CCDC127: variants seen among roughly 807,000 people sequenced by gnomAD.
CCDC127 encodes coiled-coil domain containing 127.
A neutral mutation model predicts 4.1 loss-of-function variants in CCDC127; 2 were observed. The ratio of observed to expected loss-of-function variants is 0.49; its 90% CI spans 0.20 to 1.53. CCDC127 has a LOEUF of 1.53. Among genes scored for constraint, CCDC127 ranks in the 40% most tolerant of loss-of-function variants. The pLI is 0.23. For synonymous variants in CCDC127, 98 were observed against 120.4 expected, an observed-to-expected ratio of 0.81 and a Z score of 1.22; for missense variants, 271 against 322.9, an observed-to-expected ratio of 0.84 and a Z score of 1.23.
intron 2 of CCDC127, among the ~76,000 whole-genome samples, chr5:206,308 T>C (rs553195088): frequency 6.7e-6 from 1 of 148,636 alleles, no homozygotes; most frequent in Non-Finnish European, 1.5e-5. Context: ...CTTATAAAAG[T>C]TGTATTTAGC....
At position 197,405 on chromosome 5, in the gene CCDC127, T is replaced by C. The variant is rs1193289497; in HGVS notation, c.*7892A>G. On this transcript the variant is annotated 3_prime_UTR_variant, in exon 3 of 3. Transcript: ENST00000296824. ...TCTTTCTCATTCCACGAGGCCATAT[T>C]TCAGACTATCACATGGGGAGAAACC... 3 of 152,262 alleles carry C rather than the reference T, an allele frequency of 2.0e-5. No individual in the cohort carries two copies. In the East Asian group the frequency reaches 5.8e-4, roughly 29 times the overall value. 9.4% of individuals were successfully genotyped at this position (152,262 alleles called of 1,614,324 possible). A position where few individuals can be genotyped will look rare whatever the true frequency, so the allele number is the denominator to read the frequency against.
At chr5:213,183 G>A (rs1241890331) in intron 2 of CCDC127, among the ~76,000 whole-genome samples, 6 of 90,124 alleles carry the variant, frequency 6.7e-5, no homozygotes, top group Non-Finnish European at 1.0e-4. Flanking sequence ...GCTCGACATC[G>A]AATACTGCAG....
rs2059859 is a variant in CCDC127, at chr5:201,426, A to C, written c.*3871T>G. 107,679 of 151,828 alleles carry C rather than the reference A, an allele frequency of 0.71. 38,662 individuals are homozygous for C. The highest frequency in any genetic ancestry group is 0.76 in the Non-Finnish European group (51,360 of 67,858). The allele number at this position is 151,828 out of a possible 1,614,324, so 9.4% of individuals were successfully genotyped here. A position where few individuals can be genotyped will look rare whatever the true frequency, so the allele number is the denominator to read the frequency against. Reference sequence around the variant, plus strand: ...TAATTAGACATAACTTCTCTTTGAAAGAACACACAGATCATTTGGTGAAGT... The same window carrying C: ...TAATTAGACATAACTTCTCTTTGAACGAACACACAGATCATTTGGTGAAGT... On this transcript the variant is annotated 3_prime_UTR_variant, in exon 3 of 3. Transcript: ENST00000296824.
At chr5:213,897 T>C (rs997441032) in intron 2 of CCDC127, 3 of 152,204 alleles carry the variant, frequency 2.0e-5, no homozygotes, top group Non-Finnish European at 4.4e-5. Flanking sequence ...TACACAAGAA[T>C]GTTTATAAGA....
rs1198907046 is a variant in CCDC127 at position 205,515 on chromosome 5, T to A, written c.565A>T (p.Ser189Cys). 6.2e-7 allele frequency: 1 copy of A among 1,613,808 alleles called. No homozygotes were observed. The highest frequency in any genetic ancestry group is 1.3e-5 in the African/African-American group (1 of 74,924). The stretch of plus-strand genomic sequence containing the variant: ...TCGACGGACGCTCGCACCAGTAAGC[T>A]CTTCTCTATCTCCAGCCGCTTGCTG... Reference protein sequence around the residue: ...PRSKRLEIEKSLLVRASVDPV... With the variant: ...PRSKRLEIEKCLLVRASVDPV... Residue 189 changes from serine to cysteine, a missense_variant, in exon 3 of 3, where the codon AGC becomes TGC. Coordinates refer to ENST00000296824, the MANE Select transcript of CCDC127 (RefSeq NM_145265.3).
rs1317162737 is a variant in CCDC127, at chr5:203,658, T to G, written c.*1639A>C. 1.3e-5 allele frequency: 2 copies of G among 152,088 alleles called. No homozygotes were observed. The highest frequency in any genetic ancestry group is 2.9e-5 in the Non-Finnish European group (2 of 68,022). 9.4% of individuals were successfully genotyped at this position (152,088 alleles called of 1,614,324 possible). A position where few individuals can be genotyped will look rare whatever the true frequency, so the allele number is the denominator to read the frequency against. The stretch of plus-strand genomic sequence containing the variant: ...TACAGACGGGCAGGAGGGGAGAACA[T>G]GGCCCTTGAAAGCAGATGGACAACC... On this transcript the variant is annotated 3_prime_UTR_variant, in exon 3 of 3. Coordinates refer to ENST00000296824, the MANE Select transcript of CCDC127 (RefSeq NM_145265.3).
At chr5:213,871 C>T (rs1378408601) in intron 2 of CCDC127, 7 of 152,210 alleles carry the variant, frequency 4.6e-5, no homozygotes, top group Non-Finnish European at 1.0e-4. Flanking sequence ...TGAAAACTTA[C>T]ATCGACACAA....
At chr5:213,872 A>G (rs1734326063) in intron 2 of CCDC127, 1 of 152,250 alleles carries the variant, frequency 6.6e-6, no homozygotes, top group South Asian at 2.1e-4. Flanking sequence ...GAAAACTTAC[A>G]TCGACACAAA....
At position 203,746 on chromosome 5, in the gene CCDC127, G is replaced by A. The variant is rs1205012660; in HGVS notation, c.*1551C>T. 6.6e-6 allele frequency: 1 copy of A among 152,228 alleles called. No individual in the cohort carries two copies. The highest frequency in any genetic ancestry group is 1.5e-5 in the Non-Finnish European group (1 of 68,054). The allele number at this position is 152,228 out of a possible 1,614,324, so 9.4% of individuals were successfully genotyped here. ...CTGCACACAGGTTACTCGCGGTTCT[G>A]GAGAAAAGGTGCCCGGGCTCAGACT... On this transcript the variant is annotated 3_prime_UTR_variant, in exon 3 of 3. Transcript: ENST00000296824.
intron 2 of CCDC127, among the ~76,000 whole-genome samples, chr5:206,858 T>C (rs1734185629): frequency 6.6e-6 from 1 of 152,150 alleles, no homozygotes; most frequent in Admixed American, 6.5e-5. Context: ...CAGAACTGTT[T>C]GGCAAATTTT....
rs985362522 is a variant in CCDC127, at chr5:201,146, T to G, written c.*4151A>C. On this transcript the variant is annotated 3_prime_UTR_variant, in exon 3 of 3. Coordinates refer to ENST00000296824, the MANE Select transcript of CCDC127 (RefSeq NM_145265.3). ...CCAAACACCCTGGCTCCTCCCAACA[T>G]CGCACGGGCTGTCCTCATGCTGGAA... 4 of 152,250 alleles carry G rather than the reference T, an allele frequency of 2.6e-5. No individual in the cohort carries two copies. Among genetic ancestry groups the G allele is most frequent in the Middle Eastern group, 3.1e-3 (1 of 318 alleles). The allele number at this position is 152,250 out of a possible 1,614,324, so 9.4% of individuals were successfully genotyped here.
At chr5:211,293 C>G in intron 2 of CCDC127, among the ~76,000 whole-genome samples, 1 of 105,284 alleles carries the variant, frequency 9.5e-6, no homozygotes, top group Non-Finnish European at 2.0e-5. Flanking sequence ...CACACTGATG[C>G]TCGACATCGC....
rs1734472714 is a variant in CCDC127 at position 218,137 on chromosome 5, G to A, written c.-55C>T. On this transcript the variant is annotated 5_prime_UTR_variant, in exon 1 of 3. The change creates a new upstream start codon in the 5' untranslated region. Transcript: ENST00000296824. ...ACCTCAGCGTTCCCTTAACGCCACC[G>A]TCCGCGGGTCCGCTTTGCGCAGGCG... 3 of 1,235,408 alleles carry A rather than the reference G, an allele frequency of 2.4e-6. No individual in the cohort carries two copies. The highest frequency in any genetic ancestry group is 1.6e-5 in the African/African-American group (1 of 63,852). 76.5% of individuals were successfully genotyped at this position (1,235,408 alleles called of 1,614,324 possible). A position where few individuals can be genotyped will look rare whatever the true frequency, so the allele number is the denominator to read the frequency against.
chr5:208,055 G>C lies in CCDC127; in HGVS notation c.122-2097C>G, dbSNP rs1163468835. On this transcript the variant is annotated intron_variant, in intron 2 of 2. Transcript: ENST00000296824. ...GTGTGGCAGGACAGGCTGGATGTCA[G>C]GAAAACCTGAATTCCGAGTCTGACC... 2.0e-5 allele frequency among the ~76,000 whole-genome samples: 3 copies of C among 152,304 alleles called. No homozygotes were observed. In the East Asian group the frequency reaches 5.8e-4, roughly 29 times the overall value.
At chr5:214,377 TA>T (rs1734338731) in intron 2 of CCDC127, 1 of 152,088 alleles carries the variant, frequency 6.6e-6, no homozygotes, top group African/African-American at 2.4e-5. Context: ...GACCCCAAAA[TA>T]AAATATTTAA....
intron 2 of CCDC127, among the ~76,000 whole-genome samples, chr5:208,549 C>T (rs1055338637): frequency 1.3e-5 from 2 of 152,250 alleles, no homozygotes; most frequent in African/African-American, 4.8e-5. Context: ...GAGGCTCCCA[C>T]TCCCACCCAG....
At chr5:217,506 A>G (rs1220343978) in intron 1 of CCDC127, among the ~76,000 whole-genome samples, 1 of 152,182 alleles carries the variant, frequency 6.6e-6, no homozygotes, top group Non-Finnish European at 1.5e-5. Context: ...AATCAACTCG[A>G]TAAAAGTGGG....
rs1389478472 is a variant in CCDC127, at chr5:205,963, C to T, written c.122-5G>A. 1 of 1,589,832 alleles carries T rather than the reference C, an allele frequency of 6.3e-7. No homozygotes were observed. The highest frequency in any genetic ancestry group is 8.6e-7 in the Non-Finnish European group (1 of 1,168,904). On this transcript the variant is annotated splice_polypyrimidine_tract_variant and splice_region_variant and intron_variant, in intron 2 of 2. Transcript: ENST00000296824. ...ACTCCCTAGACCAAATCCAACCTGA[C>T]ATGAATGAAGAAAAATACACATAAT... is the stretch of plus-strand genomic sequence containing the variant.
chr5:215,561 C>T (rs549130113), intron 2 of CCDC127: 6 of 152,074 alleles, frequency 3.9e-5, no homozygotes, highest in Non-Finnish European at 8.8e-5. Context: ...TTTTCCCAAG[C>T]CTGCAGGCGG....
Sources: allele counts gnomAD v4.1 joint callset (sites outside exome capture counted in the v4.1 genomes callset), GRCh38; gene constraint gnomAD v4.1.1; transcripts MANE v1.5; gene names NCBI Gene and HGNC (gene_info 2026-07-23, HGNC 2026-07-21).